Variants in AUTS2 observed in about 807,000 individuals in gnomAD.
The protein encoded by AUTS2 is autism susceptibility gene 2 protein.
Under a neutral mutation model 112.4 loss-of-function variants are expected in AUTS2, and 17 were observed. That is an observed-to-expected ratio of 0.15 (90% CI 0.10 to 0.23). AUTS2 has a LOEUF of 0.23. AUTS2 is among the 10% of genes least tolerant of loss of function. The pLI, the probability that AUTS2 is intolerant of heterozygous loss-of-function variation, is 1.00. For missense variants in AUTS2, 1,510 were observed against 1,701.6 expected, an observed-to-expected ratio of 0.89 and a Z score of 1.98; for synonymous variants, 751 against 702.7, an observed-to-expected ratio of 1.07 and a Z score of -1.09.
intron 4 of AUTS2, among the ~76,000 whole-genome samples, chr7:70,393,754 C>T (rs12537762): frequency 1.3e-5 from 2 of 152,186 alleles, no homozygotes; most frequent in African/African-American, 4.8e-5. Context: ...CCCACCACCC[C>T]CCTTTCAACC....
chr7:70,564,807 T>TA (rs1459326313), intron 5 of AUTS2, among the ~76,000 whole-genome samples: 2 of 152,086 alleles, frequency 1.3e-5, no homozygotes, highest in Non-Finnish European at 2.9e-5. Flanking sequence ...TTTTAAATAT[T>TA]AAAAAAATTA....
chr7:70,697,565 C>CCCT lies in AUTS2; in HGVS notation c.691-1002_691-1001insTCC, dbSNP rs556746295. 8.8e-3 allele frequency among the ~76,000 whole-genome samples: 1,243 copies of CCCT among 141,254 alleles called. 23 individuals are homozygous for CCCT. Among genetic ancestry groups the CCCT allele is most frequent in the South Asian group, 0.046 (176 of 3,838 alleles). The allele number at this position is 141,254 out of a possible 152,430, so 92.7% of individuals were successfully genotyped here. A position where few individuals can be genotyped will look rare whatever the true frequency, so the allele number is the denominator to read the frequency against. On this transcript the variant is annotated intron_variant, in intron 5 of 18. Transcript: ENST00000342771. The stretch of plus-strand genomic sequence containing the variant: ...AATATGCTGCACTTCAGAATTCCCC[C>CCCT]CCCCCATTTCCTATATTTCCTTTTT...
intron 6 of AUTS2, among the ~76,000 whole-genome samples, chr7:70,739,406 C>T (rs575049385): frequency 6.7e-6 from 1 of 150,232 alleles, no homozygotes; most frequent in African/African-American, 2.4e-5. Flanking sequence ...TCTCAAACTC[C>T]TGGCCTCAAG....
intron 2 of AUTS2, among the ~76,000 whole-genome samples, chr7:70,066,822 G>A (rs983801387): frequency 1.7e-4 from 26 of 152,156 alleles, no homozygotes; most frequent in Non-Finnish European, 3.5e-4. Context: ...TTACAGGCAT[G>A]AGCCGCCACT....
intron 5 of AUTS2, among the ~76,000 whole-genome samples, chr7:70,691,065 A>C (rs76466427): frequency 6.6e-6 from 1 of 152,302 alleles, no homozygotes; most frequent in Non-Finnish European, 1.5e-5. Flanking sequence ...TATTTTTGAG[A>C]TTTGAGGAAG....
intron 1 of AUTS2, among the ~76,000 whole-genome samples, chr7:69,664,843 C>T (rs547760384): frequency 2.0e-5 from 3 of 152,132 alleles, no homozygotes; most frequent in South Asian, 2.1e-4. Flanking sequence ...GTTGGTGTAC[C>T]GTGTGAGATC....
intron 4 of AUTS2, among the ~76,000 whole-genome samples, chr7:70,210,867 C>T (rs1014859309): frequency 2.0e-5 from 3 of 152,166 alleles, no homozygotes; most frequent in African/African-American, 7.2e-5. Flanking sequence ...GCATGGCAAA[C>T]ACAGGATTTA....
intron 1 of AUTS2, among the ~76,000 whole-genome samples, chr7:69,757,619 AGT>A (rs1223449531): frequency 5.9e-5 from 9 of 152,108 alleles, no homozygotes; most frequent in Admixed American, 3.9e-4. Flanking sequence ...TTTTGATTTT[AGT>A]GTGTTTTATT....
chr7:69,647,183 C>T (rs1052246005), intron 1 of AUTS2, among the ~76,000 whole-genome samples: 5 of 152,102 alleles, frequency 3.3e-5, no homozygotes, highest in Non-Finnish European at 1.5e-5. Context: ...AGCATTATGA[C>T]TCTCCAGATA....
chr7:70,757,820 T>G lies in AUTS2; in HGVS notation c.743-5050T>G, dbSNP rs996345785. Among the ~76,000 whole-genome samples the G allele has an allele frequency of 2.9e-4, 39 of 135,578 alleles. 1 individual carries two copies. The South Asian group carries it at 8.4e-3, about 29-fold the overall frequency. 88.9% of individuals were successfully genotyped at this position (135,578 alleles called of 152,430 possible). A position where few individuals can be genotyped will look rare whatever the true frequency, so the allele number is the denominator to read the frequency against. On this transcript the variant is annotated intron_variant, in intron 6 of 18. Coordinates refer to ENST00000342771, the MANE Select transcript of AUTS2 (RefSeq NM_015570.4). ...CTTCCATGGCTTCTTTTTTTTTTTT[T>G]TTTTTTTTTTTTGGAAACAGGGTCT...
intron 5 of AUTS2, among the ~76,000 whole-genome samples, chr7:70,475,729 G>A (rs11768194): frequency 0.4 from 61,021 of 152,068 alleles, 12,533 homozygotes; most frequent in African/African-American, 0.44. Context: ...GGGATAAGAC[G>A]AGGCCACATG....
At chr7:70,198,264 A>C (rs867440377) in intron 4 of AUTS2, among the ~76,000 whole-genome samples, 14 of 150,216 alleles carry the variant, frequency 9.3e-5, no homozygotes, top group Middle Eastern at 3.5e-3. Flanking sequence ...AAAAACTGGA[A>C]ACTCTAAAAC....
At chr7:69,758,408 T>A (rs1788029911) in intron 1 of AUTS2, among the ~76,000 whole-genome samples, 1 of 152,174 alleles carries the variant, frequency 6.6e-6, no homozygotes, top group Non-Finnish European at 1.5e-5. Context: ...TAGGCTTAGT[T>A]GTTATTAAGT....
At chr7:70,357,409 T>A (rs1023638592) in intron 4 of AUTS2, among the ~76,000 whole-genome samples, 6 of 152,212 alleles carry the variant, frequency 3.9e-5, no homozygotes, top group Non-Finnish European at 5.9e-5. Flanking sequence ...TATAATGATG[T>A]CCATCTTTGT....
intron 14 of AUTS2, among the ~76,000 whole-genome samples, chr7:70,778,693 T>C (rs976365545): frequency 5.3e-5 from 8 of 152,226 alleles, no homozygotes; most frequent in Non-Finnish European, 1.2e-4. Context: ...TCTTATAACA[T>C]GCCATCAGTG....
chr7:70,719,777 A>G (rs996403384), intron 6 of AUTS2, among the ~76,000 whole-genome samples: 3 of 152,126 alleles, frequency 2.0e-5, no homozygotes, highest in Non-Finnish European at 4.4e-5. Context: ...ACACATTTTT[A>G]AAACAAAGAA....
At chr7:69,740,275 G>A (rs890817021) in intron 1 of AUTS2, among the ~76,000 whole-genome samples, 1 of 152,138 alleles carries the variant, frequency 6.6e-6, no homozygotes, top group African/African-American at 2.4e-5. Flanking sequence ...TGTGACCAGC[G>A]TCATTTAGAC....
chr7:69,860,518 C>T (rs1049075971), intron 1 of AUTS2, among the ~76,000 whole-genome samples: 20 of 152,242 alleles, frequency 1.3e-4, no homozygotes, highest in African/African-American at 4.3e-4. Context: ...CACCCCTGCA[C>T]CGGAATCACA....
chr7:70,708,081 T>C (rs1247031323), intron 6 of AUTS2, among the ~76,000 whole-genome samples: 1 of 152,206 alleles, frequency 6.6e-6, no homozygotes, highest in African/African-American at 2.4e-5. Context: ...GAGGCAGTTA[T>C]ATTTGGATGC....
Sources: allele counts gnomAD v4.1 joint callset (sites outside exome capture counted in the v4.1 genomes callset), GRCh38; gene constraint gnomAD v4.1.1; transcripts MANE v1.5; gene names NCBI Gene and HGNC (gene_info 2026-07-23, HGNC 2026-07-21).